The following LRP6 variants were observed in gnomAD, a reference collection of about 807,000 sequenced individuals.
The protein encoded by LRP6 is LDL receptor related protein 6, also known as low-density lipoprotein receptor-related protein 6.
LRP6 carries 43 observed loss-of-function variants against 184.1 expected under a neutral mutation model. The ratio of observed to expected loss-of-function variants is 0.23; its 90% confidence interval spans 0.18 to 0.30. LRP6 has a LOEUF of 0.30. Ranked by LOEUF, LRP6 falls within the 10% of genes least tolerant of loss-of-function variation. The pLI is 1.00. For missense variants in LRP6, 1,571 were observed against 2,005.3 expected, an observed-to-expected ratio of 0.78 and a Z score of 4.14; for synonymous variants, 719 against 684.9, an observed-to-expected ratio of 1.05 and a Z score of -0.78.
Position 12,138,454 on chromosome 12 carries a change from T to C in LRP6, c.3478A>G (p.Ile1160Val), listed in dbSNP as rs749967394. The change falls in exon 16 of 23, where the codon ATT becomes GTT. Residue 1160 changes from isoleucine to valine, a missense_variant. Coordinates refer to ENST00000261349, the MANE Select transcript of LRP6 (RefSeq NM_002336.3). ...LTVFENWLYWIDKQQQMIEKI... is the reference protein window; with the variant it reads ...LTVFENWLYWVDKQQQMIEKI... ...TCAATCATTTGCTGCTGTTTATCAA[T>C]CCAATAGAGCCAGTTTTCAAACACA... The C allele has an allele frequency of 6.2e-6, 10 of 1,613,968 alleles. No individual in the cohort carries two copies. The South Asian group carries it at 8.8e-5, about 14-fold the overall frequency.
Position 12,181,443 on chromosome 12 carries a change from G to C in LRP6, c.977-4C>G. On this transcript the variant is annotated splice_polypyrimidine_tract_variant and splice_region_variant and intron_variant, in intron 5 of 22. Transcript: ENST00000261349. ...AAAAGCAATAATTCTGTGGCACCTA[G>C]AACAACAAAGTGAAATGAAGAATAC... 1 of 1,099,136 alleles carries C rather than the reference G, an allele frequency of 9.1e-7. No individual in the cohort carries two copies. The highest frequency in any genetic ancestry group is 1.4e-6 in the Non-Finnish European group (1 of 713,982). The allele number at this position is 1,099,136 out of a possible 1,614,324, so 68.1% of individuals were successfully genotyped here.
intron 3 of LRP6, among the ~76,000 whole-genome samples, chr12:12,191,036 G>C (rs1349843015): frequency 6.6e-6 from 1 of 151,784 alleles, no homozygotes; most frequent in African/African-American, 2.4e-5. Context: ...CAGGATATGA[G>C]AAAGAAACAA....
chr12:12,157,898 CAAT>C (rs1201413159), intron 12 of LRP6, among the ~76,000 whole-genome samples: 5 of 152,004 alleles, frequency 3.3e-5, no homozygotes, highest in South Asian at 2.1e-4. Context: ...CCCTAGCCAA[CAAT>C]GTTTTGTTAC....
chr12:12,144,612 G>C (rs1367573052), intron 15 of LRP6, among the ~76,000 whole-genome samples: 1 of 152,154 alleles, frequency 6.6e-6, no homozygotes, highest in Non-Finnish European at 1.5e-5. Flanking sequence ...CTGTACTCTA[G>C]CCTGGGTGAC....
At chr12:12,227,697 C>T (rs192214464) in intron 2 of LRP6, among the ~76,000 whole-genome samples, 35 of 152,248 alleles carry the variant, frequency 2.3e-4, no homozygotes, top group African/African-American at 6.3e-4. Context: ...ACTTAAGTCA[C>T]CACACCTGGC....
intron 2 of LRP6, among the ~76,000 whole-genome samples, chr12:12,209,398 A>G (rs1237569807): frequency 6.6e-6 from 1 of 152,196 alleles, no homozygotes; most frequent in African/African-American, 2.4e-5. Context: ...TCCCTTCATT[A>G]TTCAACCCTA....
chr12:12,211,714 T>G (rs1864216053), intron 2 of LRP6, among the ~76,000 whole-genome samples: 1 of 152,156 alleles, frequency 6.6e-6, no homozygotes, highest in Non-Finnish European at 1.5e-5. Flanking sequence ...TGAACAGCCT[T>G]AAGCACCCAG....
chr12:12,218,918 A>G (rs1864417346), intron 2 of LRP6, among the ~76,000 whole-genome samples: 1 of 152,206 alleles, frequency 6.6e-6, no homozygotes, highest in Admixed American at 6.5e-5. Flanking sequence ...TGCTAGTGGA[A>G]ATATAAAAAT....
chr12:12,136,749 T>C (rs1037357429), intron 16 of LRP6, among the ~76,000 whole-genome samples: 2 of 152,242 alleles, frequency 1.3e-5, no homozygotes, highest in African/African-American at 2.4e-5. Flanking sequence ...TCACACATTA[T>C]ATAGAATATA....
At chr12:12,240,038 A>G (rs1157040333) in intron 2 of LRP6, among the ~76,000 whole-genome samples, 1 of 150,740 alleles carries the variant, frequency 6.6e-6, no homozygotes, top group Non-Finnish European at 1.5e-5. Context: ...ACACATGTAC[A>G]CACACACACA....
chr12:12,232,360 G>A (rs1314986032), intron 2 of LRP6, among the ~76,000 whole-genome samples: 3 of 151,298 alleles, frequency 2.0e-5, no homozygotes, highest in Non-Finnish European at 2.9e-5. Flanking sequence ...CTCCAGCCTG[G>A]GCGACAGAGT....
intron 16 of LRP6, among the ~76,000 whole-genome samples, chr12:12,137,649 G>T (rs1369356789): frequency 1.3e-5 from 2 of 151,882 alleles, no homozygotes; most frequent in Non-Finnish European, 2.9e-5. Flanking sequence ...TCAAGCTATG[G>T]GGGGAAGTAT....
At chr12:12,177,508 C>T (rs1435052700) in intron 7 of LRP6, among the ~76,000 whole-genome samples, 1 of 152,164 alleles carries the variant, frequency 6.6e-6, no homozygotes, top group African/African-American at 2.4e-5. Context: ...ATGGAAAACC[C>T]CAGATTTTCT....
chr12:12,187,348 T>G (rs1400587931), intron 3 of LRP6: 2 of 538,502 alleles, frequency 3.7e-6, no homozygotes, highest in Non-Finnish European at 6.7e-6. Context: ...AGTCCCTAAC[T>G]TGGCAGCAGC....
chr12:12,141,042 A>G (rs956676948), intron 15 of LRP6, among the ~76,000 whole-genome samples: 2 of 152,234 alleles, frequency 1.3e-5, no homozygotes, highest in South Asian at 4.1e-4. Context: ...AAGGTTATCT[A>G]CAGAAAAACC....
chr12:12,156,799 A>T (rs1195516941), intron 12 of LRP6, among the ~76,000 whole-genome samples: 1 of 152,198 alleles, frequency 6.6e-6, no homozygotes, highest in East Asian at 1.9e-4. Flanking sequence ...TCTGGTTGCT[A>T]CTTCTCAGTG....
intron 9 of LRP6, among the ~76,000 whole-genome samples, chr12:12,163,281 C>A (rs2300232): frequency 6.6e-6 from 1 of 152,018 alleles, no homozygotes; most frequent in African/African-American, 2.4e-5. Context: ...CCAGCCACCC[C>A]CCATTTTCAA....
chr12:12,136,386 A>T (rs1346149668), intron 16 of LRP6, among the ~76,000 whole-genome samples: 1 of 152,238 alleles, frequency 6.6e-6, no homozygotes, highest in Non-Finnish European at 1.5e-5. Context: ...AAAACTTAAA[A>T]GGCACATGTA....
intron 3 of LRP6, among the ~76,000 whole-genome samples, chr12:12,192,551 T>C (rs1050126978): frequency 7.9e-5 from 12 of 151,756 alleles, no homozygotes; most frequent in African/African-American, 7.3e-5. Flanking sequence ...AAGATACAAA[T>C]AGATTGAAAA....
Sources: allele counts gnomAD v4.1 joint callset (sites outside exome capture counted in the v4.1 genomes callset), GRCh38; gene constraint gnomAD v4.1.1; transcripts MANE v1.5; gene names NCBI Gene and HGNC (gene_info 2026-07-23, HGNC 2026-07-21).